The following KCNN3 variants were observed in gnomAD, a reference collection of about 807,000 sequenced individuals.
The protein encoded by KCNN3 is small conductance calcium-activated potassium channel protein 3.
A neutral mutation model predicts 62.9 loss-of-function variants in KCNN3; 16 were observed. The observed-to-expected ratio is 0.25, with a 90% CI of 0.17 to 0.39. The LOEUF is 0.39. Among genes scored for constraint, KCNN3 ranks in the 10% least tolerant of loss-of-function variants. The pLI is 1.00. For missense variants in KCNN3, 599 were observed against 949.4 expected (o/e 0.63, Z 4.85); for synonymous variants, 370 against 389.2 (o/e 0.95, Z 0.58).
chr1:154,781,223 G>C (rs1466367062), intron 2 of KCNN3, among the ~76,000 whole-genome samples: 1 of 152,180 alleles, frequency 6.6e-6, no homozygotes, highest in African/African-American at 2.4e-5. Context: ...GAGAAAGAAA[G>C]CCAAGTTTCG....
intron 1 of KCNN3, among the ~76,000 whole-genome samples, chr1:154,867,014 G>A (rs1249014142): frequency 6.6e-6 from 1 of 152,166 alleles, no homozygotes; most frequent in Non-Finnish European, 1.5e-5. Context: ...CTGTCTCTGG[G>A]AATAGCCGTT....
rs1489559681 is a variant in KCNN3, at chr1:154,707,125, C to T, written c.*851G>A. On this transcript the variant is annotated 3_prime_UTR_variant, in exon 8 of 8. Coordinates refer to ENST00000271915, the MANE Select transcript of KCNN3 (RefSeq NM_002249.6). ...TGCATATCCAGGACAAAGCAATGTGCATTATGTCTGAAGGGATCCACATCT... is the reference window on the plus strand; with the variant it reads ...TGCATATCCAGGACAAAGCAATGTGTATTATGTCTGAAGGGATCCACATCT... The T allele has an allele frequency of 1.3e-5, 2 of 152,208 alleles. No individual in the cohort carries two copies. Among genetic ancestry groups the T allele is most frequent in the Admixed American group, 6.5e-5 (1 of 15,278 alleles). The allele number at this position is 152,208 out of a possible 1,614,324, so 9.4% of individuals were successfully genotyped here.
At chr1:154,759,972 T>TTC (rs1491069859) in intron 3 of KCNN3, among the ~76,000 whole-genome samples, 1 of 149,742 alleles carries the variant, frequency 6.7e-6, no homozygotes, top group African/African-American at 2.4e-5. Context: ...TTATTTTATT[T>TTC]TCTCTCTCTC....
At chr1:154,747,183 T>G (rs1700955893) in intron 3 of KCNN3, among the ~76,000 whole-genome samples, 1 of 152,094 alleles carries the variant, frequency 6.6e-6, no homozygotes, top group African/African-American at 2.4e-5. Flanking sequence ...CTCCTCTAGC[T>G]CTCTCAAAAC....
chr1:154,835,031 G>A (rs576072285), intron 1 of KCNN3, among the ~76,000 whole-genome samples: 8 of 152,300 alleles, frequency 5.3e-5, no homozygotes, highest in South Asian at 2.1e-4. Flanking sequence ...GTCAGCCACC[G>A]AGGAAGCCAG....
At chr1:154,843,354 C>T (rs758318491) in intron 1 of KCNN3, among the ~76,000 whole-genome samples, 6 of 152,156 alleles carry the variant, frequency 3.9e-5, no homozygotes, top group Non-Finnish European at 5.9e-5. Context: ...TGGTTCCCAG[C>T]GTCCCTTCAG....
intron 6 of KCNN3, among the ~76,000 whole-genome samples, chr1:154,714,350 G>T (rs374747855): frequency 2.1e-5 from 3 of 141,228 alleles, no homozygotes; most frequent in Non-Finnish European, 4.6e-5. Context: ...TGTGTGGTGT[G>T]TATGGTGTGT....
chr1:154,744,612 G>C (rs192151140), intron 3 of KCNN3, among the ~76,000 whole-genome samples: 20 of 152,338 alleles, frequency 1.3e-4, no homozygotes, highest in African/African-American at 3.6e-4. Context: ...TGAAAGGAAA[G>C]AGACTTTCAT....
chr1:154,724,926 G>A (rs1166118338), intron 5 of KCNN3, among the ~76,000 whole-genome samples: 3 of 150,948 alleles, frequency 2.0e-5, no homozygotes, highest in African/African-American at 2.4e-5. Context: ...GCGCGATCTC[G>A]GTTCACTGCA....
intron 2 of KCNN3, among the ~76,000 whole-genome samples, chr1:154,797,714 A>C (rs528189749): frequency 4.8e-4 from 73 of 152,316 alleles, no homozygotes; most frequent in Admixed American, 1.8e-3. Flanking sequence ...TTTTTGGTAA[A>C]TGAATTGAAT....
chr1:154,854,206 G>A (rs932195796), intron 1 of KCNN3, among the ~76,000 whole-genome samples: 5 of 152,138 alleles, frequency 3.3e-5, no homozygotes, highest in Non-Finnish European at 7.4e-5. Flanking sequence ...CTGAACTCCA[G>A]CCTGGGCGAC....
Position 154,772,497 on chromosome 1 carries a change from G to A in KCNN3, c.1030-104C>T. The A allele has an allele frequency of 8.7e-7, 1 of 1,144,300 alleles. No individual in the cohort carries two copies. Among genetic ancestry groups the A allele is most frequent in the South Asian group, 1.3e-5 (1 of 76,406 alleles). The allele number at this position is 1,144,300 out of a possible 1,614,324, so 70.9% of individuals were successfully genotyped here. A position where few individuals can be genotyped will look rare whatever the true frequency, so the allele number is the denominator to read the frequency against. On this transcript the variant is annotated intron_variant, in intron 2 of 7. Transcript: ENST00000271915. This position sits in a 1 kb window ranked among gnomAD's most constrained non-coding sequence, Gnocchi z 5.6. ...GGCTGGGGCAGGCTGCTGGGCTCAG[G>A]TCAGCCTGACCACCTCAGCATGCTC...
At chr1:154,718,269 C>G (rs999052949) in intron 5 of KCNN3, among the ~76,000 whole-genome samples, 6 of 152,134 alleles carry the variant, frequency 3.9e-5, no homozygotes, top group African/African-American at 1.2e-4. Context: ...AGCCCAAAAA[C>G]TCTCTACCAA....
chr1:154,859,612 G>T (rs924308955), intron 1 of KCNN3: 50 of 1,378,446 alleles, frequency 3.6e-5, no homozygotes, highest in Non-Finnish European at 5.0e-5. Flanking sequence ...TGACAGGTCA[G>T]CAAGGTTCAA....
chr1:154,714,887 T>C lies in KCNN3; in HGVS notation c.1818A>G (p.Gln606=). The C allele has an allele frequency of 6.2e-7, 1 of 1,613,612 alleles. No individual in the cohort carries two copies. The highest frequency in any genetic ancestry group is 8.5e-7 in the Non-Finnish European group (1 of 1,179,686). The change falls in exon 6 of 8, where the codon CAA becomes CAG. Residue 606 remains glutamine (Q), a synonymous_variant. Coordinates refer to ENST00000271915, the MANE Select transcript of KCNN3 (RefSeq NM_002249.6). ...TCTGGCATACTCACTGGTGGATAGC[T>C]TGGAGGAACTTCCTCTGGTGTTTCC... The part of the protein sequence containing the change: ...KVRKHQRKFL[Q]AIHQLRSVKM...
At chr1:154,737,082 T>C (rs1233640225) in intron 3 of KCNN3, 2 of 702,268 alleles carry the variant, frequency 2.8e-6, no homozygotes, top group Admixed American at 4.0e-5. Flanking sequence ...GGGCTGGTGA[T>C]TCAGGACTGT....
In KCNN3 at chr1:154,869,629, AG is replaced by A. The variant is rs753256170; in HGVS notation, c.335del (p.Pro112LeufsTer64). On this transcript the variant is annotated frameshift_variant, in exon 1 of 8. Coordinates refer to ENST00000271915, the MANE Select transcript of KCNN3 (RefSeq NM_002249.6). LOFTEE classifies it high-confidence loss of function. This position sits in a 1 kb window ranked among gnomAD's most constrained non-coding sequence, Gnocchi z 6.1. Reference protein sequence around the residue: ...HSSPTAFRAPPSSNSTAILHP... With the variant: ...HSSPTAFRAPXSSNSTAILHP... ...GGAGGATGGCGGTGGAGTTGGACGA[AG>A]GGGGGGCCCTGAAAGCGGTGGGAGA... 1 of 1,613,538 alleles carries A rather than the reference AG, an allele frequency of 6.2e-7. No individual in the cohort carries two copies. Among genetic ancestry groups the A allele is most frequent in the Non-Finnish European group, 8.5e-7 (1 of 1,179,814 alleles).
At chr1:154,863,647 C>T (rs1652851440) in intron 1 of KCNN3, among the ~76,000 whole-genome samples, 1 of 152,018 alleles carries the variant, frequency 6.6e-6, no homozygotes, top group Non-Finnish European at 1.5e-5. Context: ...TTCATTTTGA[C>T]TTTCTTTACC....
intron 3 of KCNN3, among the ~76,000 whole-genome samples, chr1:154,741,789 T>C (rs1017384968): frequency 1.3e-5 from 2 of 152,160 alleles, no homozygotes; most frequent in Non-Finnish European, 2.9e-5. Context: ...GGGTCTGATT[T>C]GTTTGTTGGA....
Sources: gnomAD v4.1 joint callset for allele counts (sites outside exome capture counted in the v4.1 genomes callset) on GRCh38, gnomAD v4.1.1 for gene constraint, Gnocchi (gnomAD v3.1) non-coding constraint, MANE v1.5 for transcripts, NCBI Gene and HGNC (gene_info 2026-07-23, HGNC 2026-07-21) for gene names.